XIRP2: variants seen among roughly 807,000 people sequenced by gnomAD.
The protein encoded by XIRP2 is xin actin binding repeat containing 2, also known as xin actin-binding repeat-containing protein 2.
Under a neutral mutation model 277.0 loss-of-function variants are expected in XIRP2, and 236 were observed. The observed-to-expected ratio is 0.85, with a 90% CI of 0.77 to 0.95. The LOEUF is 0.95. Among genes scored for constraint, XIRP2 ranks in the 40% least tolerant of loss-of-function variants. The pLI, the probability that XIRP2 is intolerant of heterozygous loss-of-function variation, is 0.00. For synonymous variants in XIRP2, 1,490 were observed against 1,416.5 expected, an observed-to-expected ratio of 1.05 and a Z score of -1.17; for missense variants, 4,640 against 4,157.5, an observed-to-expected ratio of 1.12 and a Z score of -3.19.
chr2:166,918,066 T>C (rs946109458), intron 2 of XIRP2, among the ~76,000 whole-genome samples: 1 of 152,228 alleles, frequency 6.6e-6, no homozygotes, highest in Non-Finnish European at 1.5e-5. Flanking sequence ...GGAGTGATGC[T>C]GTTTTGCCCT....
chr2:167,247,302 G>T lies in XIRP2; in HGVS notation c.5910G>T (p.Gln1970His), dbSNP rs1322193573. The T allele has an allele frequency of 6.2e-7, 1 of 1,613,714 alleles. No homozygotes were observed. Among genetic ancestry groups the T allele is most frequent in the Non-Finnish European group, 8.5e-7 (1 of 1,179,832 alleles). The change falls in exon 9 of 11, where the codon CAG becomes CAT. Residue 1970 changes from glutamine (Q) to histidine (H), a missense_variant. By Grantham distance (24) the Gln-to-His change is conservative. Coordinates refer to ENST00000409195, the MANE Select transcript of XIRP2 (RefSeq NM_152381.6). Reference sequence around the variant, plus strand: ...CAGATATTCATCAGGTTGCTGTCCAGAGGAACAAAAATAGTCTTCTTCAGC... The same window carrying T: ...CAGATATTCATCAGGTTGCTGTCCATAGGAACAAAAATAGTCTTCTTCAGC... ...QKTDIHQVAVQRNKNSLLQPK... is the reference protein window; with the variant it reads ...QKTDIHQVAVHRNKNSLLQPK...
chr2:167,127,135 C>A (rs1691229617), intron 2 of XIRP2, among the ~76,000 whole-genome samples: 1 of 152,114 alleles, frequency 6.6e-6, no homozygotes, highest in Non-Finnish European at 1.5e-5. Flanking sequence ...GCATTTTTTT[C>A]TTAAACTCCC....
At chr2:166,930,020 C>T (rs1004756652) in intron 2 of XIRP2, among the ~76,000 whole-genome samples, 9 of 152,250 alleles carry the variant, frequency 5.9e-5, no homozygotes, top group African/African-American at 2.2e-4. Context: ...AGCTAGGATT[C>T]AGAATCACTG....
intron 3 of XIRP2, among the ~76,000 whole-genome samples, chr2:167,181,704 T>C (rs992235324): frequency 6.6e-6 from 1 of 152,154 alleles, no homozygotes; most frequent in Non-Finnish European, 1.5e-5. Flanking sequence ...GTAAGGGATA[T>C]GTCTGATCAA....
At chr2:166,903,964 T>A in intron 2 of XIRP2, 74 bp downstream of exon 2, 2 of 1,502,958 alleles carry the variant, frequency 1.3e-6, no homozygotes, top group South Asian at 2.6e-5. Context: ...TTACTAAGCA[T>A]GTAATCTTTC....
chr2:166,903,470 C>A lies in XIRP2; in HGVS notation c.-13C>A. 1 of 1,606,638 alleles carries A rather than the reference C, an allele frequency of 6.2e-7. No homozygotes were observed. On this transcript the variant is annotated 5_prime_UTR_variant, in exon 2 of 11. Coordinates refer to ENST00000409195, the MANE Select transcript of XIRP2 (RefSeq NM_152381.6). Reference sequence around the variant, plus strand: ...AAGGATTCTTGATATTGCAGGACAACCTGGACCCATCCATGTTCCCAATGC... The same window carrying A: ...AAGGATTCTTGATATTGCAGGACAAACTGGACCCATCCATGTTCCCAATGC...
intron 3 of XIRP2, among the ~76,000 whole-genome samples, chr2:167,138,997 G>A (rs1185487951): frequency 6.6e-6 from 1 of 152,032 alleles, no homozygotes; most frequent in Non-Finnish European, 1.5e-5. Context: ...AACCTGGCAG[G>A]TGGAGGCTTC....
intron 3 of XIRP2, among the ~76,000 whole-genome samples, chr2:167,179,813 G>A (rs1038692206): frequency 1.3e-5 from 2 of 151,944 alleles, no homozygotes; most frequent in Non-Finnish European, 2.9e-5. Flanking sequence ...CTAAATTTGT[G>A]TGTGTGTGTG....
intron 3 of XIRP2, among the ~76,000 whole-genome samples, chr2:167,194,933 G>C (rs1009649738): frequency 6.6e-6 from 1 of 152,044 alleles, no homozygotes; most frequent in African/African-American, 2.4e-5. Context: ...TTTACTATAT[G>C]AGTATAATGT....
intron 2 of XIRP2, among the ~76,000 whole-genome samples, chr2:167,032,424 G>T (rs764868067): frequency 1.3e-5 from 2 of 152,086 alleles, no homozygotes; most frequent in Admixed American, 1.3e-4. Context: ...AAAAGCAACT[G>T]CAGAAAAAGC....
chr2:166,987,225 T>A (rs1179195667), intron 2 of XIRP2, among the ~76,000 whole-genome samples: 1 of 152,206 alleles, frequency 6.6e-6, no homozygotes, highest in African/African-American at 2.4e-5. Flanking sequence ...GAGTCACTTT[T>A]GTCAGTTCTG....
At chr2:167,192,953 C>A (rs2105368396) in intron 3 of XIRP2, among the ~76,000 whole-genome samples, 1 of 152,252 alleles carries the variant, frequency 6.6e-6, no homozygotes, top group Middle Eastern at 3.4e-3. Context: ...TCCTGGAGGA[C>A]TCAAAACATT....
At chr2:167,168,697 C>G (rs1276654749) in intron 3 of XIRP2, among the ~76,000 whole-genome samples, 3 of 152,212 alleles carry the variant, frequency 2.0e-5, no homozygotes, top group African/African-American at 7.2e-5. Flanking sequence ...TCACTGCAAG[C>G]TCCGCCTCCC....
intron 2 of XIRP2, among the ~76,000 whole-genome samples, chr2:167,085,687 C>T (rs1257144028): frequency 2.0e-5 from 3 of 151,766 alleles, no homozygotes; most frequent in African/African-American, 7.2e-5. Context: ...GATCCCTTTA[C>T]CATTATGTAA....
At chr2:166,934,867 A>T (rs6432955) in intron 2 of XIRP2, among the ~76,000 whole-genome samples, 138,355 of 149,770 alleles carry the variant, frequency 0.92, 63,496 homozygotes, top group Non-Finnish European at 0.95. Flanking sequence ...AAAATTTTTT[A>T]AAAAAGAAAA....
intron 3 of XIRP2, among the ~76,000 whole-genome samples, chr2:167,168,297 C>T (rs1217876698): frequency 6.6e-6 from 1 of 152,056 alleles, no homozygotes; most frequent in Non-Finnish European, 1.5e-5. Context: ...TTGCGGGAAA[C>T]TCTCAGTCAT....
intron 3 of XIRP2, among the ~76,000 whole-genome samples, chr2:167,184,022 G>T (rs1490998347): frequency 8.5e-5 from 13 of 152,128 alleles, no homozygotes; most frequent in Non-Finnish European, 2.9e-5. Flanking sequence ...AGGTTTTTCA[G>T]CTTGGCTATT....
At chr2:166,921,718 C>T (rs1160585300) in intron 2 of XIRP2, among the ~76,000 whole-genome samples, 1 of 152,042 alleles carries the variant, frequency 6.6e-6, no homozygotes, top group Non-Finnish European at 1.5e-5. Flanking sequence ...TGAGCTGGCT[C>T]CTTTCAGTGT....
intron 2 of XIRP2, among the ~76,000 whole-genome samples, chr2:167,086,766 G>A (rs1169577102): frequency 6.7e-6 from 1 of 148,970 alleles, no homozygotes; most frequent in East Asian, 2.0e-4. Context: ...TCTTCACGTA[G>A]TTCTCAAGCC....
Sources: gnomAD v4.1 joint callset for allele counts (sites outside exome capture counted in the v4.1 genomes callset) on GRCh38, gnomAD v4.1.1 for gene constraint, MANE v1.5 for transcripts, NCBI Gene and HGNC (gene_info 2026-07-23, HGNC 2026-07-21) for gene names.